GPC4: variants seen among roughly 807,000 people sequenced by gnomAD.
GPC4 encodes glypican 4.
GPC4 carries 10 observed loss-of-function variants against 35.0 expected under a neutral mutation model. That is an observed-to-expected ratio of 0.29 (90% CI 0.18 to 0.48). GPC4 has a LOEUF of 0.48. Among genes scored for constraint, GPC4 ranks in the 20% least tolerant of loss-of-function variants. The pLI is 0.99. For synonymous variants in GPC4, 167 were observed against 170.2 expected (o/e 0.98, Z 0.15); for missense variants, 322 against 451.3 (o/e 0.71, Z 2.60).
At chrX:133,324,661 T>A (rs759626080) in intron 2 of GPC4, 125 bp from the exon 3 acceptor site, 1 of 645,475 alleles carries the variant, frequency 1.5e-6, no homozygotes, top group African/African-American at 2.3e-5. Flanking sequence ...AAAACGTGTT[T>A]GTATATAGGG....
chrX:133,302,386 C>G lies in GPC4; in HGVS notation c.*481G>C, dbSNP rs2068270528. ...ACAGGGAGAAATGGAAATTTTACTG[C>G]TTTTTGGGCTTTTTCTTTTAATAAG... is the stretch of plus-strand genomic sequence containing the variant. On this transcript the variant is annotated 3_prime_UTR_variant, in exon 9 of 9. Transcript: ENST00000370828. The G allele has an allele frequency of 8.9e-6, 1 of 112,361 alleles. No individual in the cohort carries two copies. Among genetic ancestry groups the G allele is most frequent in the African/African-American group, 3.3e-5 (1 of 30,715 alleles). 9.3% of individuals were successfully genotyped at this position (112,361 alleles called of 1,213,427 possible).
intron 1 of GPC4, among the ~76,000 whole-genome samples, chrX:133,412,275 A>G (rs1179337642): frequency 1.8e-5 from 2 of 112,140 alleles, no homozygotes; most frequent in African/African-American, 6.5e-5. Flanking sequence ...GCATCTGGAG[A>G]GGCCAGGGTG....
At chrX:133,414,662 T>C (rs2068829960) in intron 1 of GPC4, 144 bp downstream of exon 1, 1 of 1,107,364 alleles carries the variant, frequency 9.0e-7, no homozygotes, top group Admixed American at 3.1e-5. Context: ...TCTCGCTCGC[T>C]CGCTCCTGCC....
At chrX:133,320,625 A>C (rs1250151102) in intron 3 of GPC4, among the ~76,000 whole-genome samples, 1 of 41,906 alleles carries the variant, frequency 2.4e-5, no homozygotes, top group Non-Finnish European at 3.8e-5. Context: ...ACTCTGTCTC[A>C]AAAAAAAAAA....
chrX:133,374,706 TAAAG>T (rs1486209082), intron 1 of GPC4, among the ~76,000 whole-genome samples: 4 of 112,031 alleles, frequency 3.6e-5, no homozygotes, highest in Non-Finnish European at 7.5e-5. Flanking sequence ...GTGGAGCCCT[TAAAG>T]AACCAGGAGC....
intron 3 of GPC4, among the ~76,000 whole-genome samples, chrX:133,314,281 T>C (rs774586188): frequency 4.5e-5 from 5 of 112,279 alleles, no homozygotes; most frequent in Non-Finnish European, 9.4e-5. Context: ...TCTCATTCTT[T>C]TAAAAAATAA....
At chrX:133,379,895 C>T (rs2068653151) in intron 1 of GPC4, among the ~76,000 whole-genome samples, 1 of 111,675 alleles carries the variant, frequency 9.0e-6, no homozygotes, top group Admixed American at 9.5e-5. Flanking sequence ...CTACAGCAAT[C>T]CTAAATAGCA....
chrX:133,304,296 T>C (rs1325318401), intron 7 of GPC4, among the ~76,000 whole-genome samples: 2 of 110,731 alleles, frequency 1.8e-5, no homozygotes, highest in Non-Finnish European at 3.8e-5. Flanking sequence ...CGAGACTCCA[T>C]CTCAAACAAG....
intron 1 of GPC4, among the ~76,000 whole-genome samples, chrX:133,344,387 G>A (rs2068483236): frequency 9.4e-6 from 1 of 106,481 alleles, no homozygotes; most frequent in South Asian, 4.2e-4. Flanking sequence ...CACCACACCC[G>A]GCTAATTTTT....
intron 2 of GPC4, among the ~76,000 whole-genome samples, chrX:133,325,307 A>G (rs1457862152): frequency 5.4e-5 from 6 of 110,406 alleles, no homozygotes; most frequent in Non-Finnish European, 9.5e-5. Context: ...AGACAGAGAG[A>G]GAGAGAGCAC....
chrX:133,396,931 G>A (rs1248497681), intron 1 of GPC4, among the ~76,000 whole-genome samples: 4 of 111,712 alleles, frequency 3.6e-5, no homozygotes, highest in Non-Finnish European at 7.5e-5. Flanking sequence ...ATCATTTCCT[G>A]ATATAATATT....
Position 133,324,192 on chromosome X carries a change from C to T in GPC4, c.664G>A (p.Ala222Thr), listed in dbSNP as rs1218881357. 6 of 1,210,513 alleles carry T rather than the reference C, an allele frequency of 5.0e-6. No individual in the cohort carries two copies. Among genetic ancestry groups the T allele is most frequent in the African/African-American group, 1.7e-5 (1 of 57,746 alleles). Residue 222 changes from alanine to threonine, a missense_variant, in exon 3 of 9, where the codon GCT becomes ACT. By Grantham distance (58) the Ala-to-Thr change is moderately conservative. Around this residue, in one of 3 missense-constraint regions of GPC4, gnomAD observed 163 missense variants for 277.2 expected, o/e 0.59. Coordinates refer to ENST00000370828, the MANE Select transcript of GPC4 (RefSeq NM_001448.3). ...TRAFVAARTFAQGLAVAGDVV... is the reference protein window; with the variant it reads ...TRAFVAARTFTQGLAVAGDVV... ...TCTCCCGCAACCGCTAAGCCTTGAG[C>T]GAAAGTACGGGCTGCTACAAAAGCA...
At chrX:133,332,049 T>C (rs2068422635) in intron 2 of GPC4, among the ~76,000 whole-genome samples, 1 of 111,909 alleles carries the variant, frequency 8.9e-6, no homozygotes, top group Non-Finnish European at 1.9e-5. Context: ...TTGATGTATT[T>C]TTCTACTTTT....
At chrX:133,314,138 T>C (rs956367892) in intron 3 of GPC4, among the ~76,000 whole-genome samples, 3 of 112,360 alleles carry the variant, frequency 2.7e-5, no homozygotes, top group Middle Eastern at 4.2e-3. Flanking sequence ...AGAATTTCTA[T>C]ATTAGAATAC....
chrX:133,351,160 G>T (rs1307498913), intron 1 of GPC4, among the ~76,000 whole-genome samples: 1 of 112,139 alleles, frequency 8.9e-6, no homozygotes, highest in Non-Finnish European at 1.9e-5. Flanking sequence ...TTCCAGGTCA[G>T]TTCCTGGAGC....
At chrX:133,361,455 AAC>A (rs1274103644) in intron 1 of GPC4, among the ~76,000 whole-genome samples, 1 of 111,749 alleles carries the variant, frequency 8.9e-6, no homozygotes, top group Non-Finnish European at 1.9e-5. Flanking sequence ...TATTTCTTGA[AAC>A]ACAGTTTGCC....
chrX:133,323,109 C>A (rs1163566428), intron 3 of GPC4, among the ~76,000 whole-genome samples: 1 of 111,306 alleles, frequency 9.0e-6, no homozygotes, highest in African/African-American at 3.3e-5. Flanking sequence ...CACAGTTGCA[C>A]GGTCTCACCC....
intron 2 of GPC4, among the ~76,000 whole-genome samples, chrX:133,334,506 G>A (rs1415616351): frequency 8.9e-6 from 1 of 111,954 alleles, no homozygotes; most frequent in Non-Finnish European, 1.9e-5. Context: ...GGAAAATAGA[G>A]GGTACCATAC....
chrX:133,354,556 ATTTATTTATTTATTTT>A (rs1319249779), intron 1 of GPC4, among the ~76,000 whole-genome samples: 1 of 91,328 alleles, frequency 1.1e-5, no homozygotes, highest in African/African-American at 5.2e-5. Context: ...TTATTTATTT[ATTTATTTATTTATTTT>A]TTTTTTTGAG....
Sources: gnomAD v4.1 joint callset for allele counts (sites outside exome capture counted in the v4.1 genomes callset) on GRCh38, gnomAD v4.1.1 for gene constraint, gnomAD v4.1.1 regional missense constraint, MANE v1.5 for transcripts, NCBI Gene and HGNC (gene_info 2026-07-23, HGNC 2026-07-21) for gene names.